DACH2: variants seen among roughly 807,000 people sequenced by gnomAD.
The protein encoded by DACH2 is dachshund homolog 2.
Under a neutral mutation model 35.8 loss-of-function variants are expected in DACH2, and 17 were observed. The observed-to-expected ratio is 0.48, with a 90% CI of 0.33 to 0.71. The LOEUF (loss-of-function observed/expected upper bound fraction) is 0.71, where lower values mean the gene tolerates loss of function less well. DACH2 is among the 30% of genes least tolerant of loss of function. The probability of loss-of-function intolerance (pLI) is 0.02; values close to 1 mark genes in which losing one functional copy is unlikely to be tolerated. For synonymous variants in DACH2, 195 were observed against 177.3 expected (o/e 1.10, Z -0.79); for missense variants, 469 against 472.7 (o/e 0.99, Z 0.07).
At chrX:86,322,257 G>A (rs5968890) in intron 1 of DACH2, among the ~76,000 whole-genome samples, 3 of 110,067 alleles carry the variant, frequency 2.7e-5, no homozygotes, top group Non-Finnish European at 5.7e-5. Context: ...AGAAGATGTC[G>A]CCTTGTGCAA....
chrX:86,409,404 G>C (rs1248408396), intron 2 of DACH2, among the ~76,000 whole-genome samples: 1 of 111,507 alleles, frequency 9.0e-6, no homozygotes, highest in African/African-American at 3.3e-5. Flanking sequence ...CAAAGTTAAA[G>C]GTGGGGCCTG....
intron 3 of DACH2, among the ~76,000 whole-genome samples, chrX:86,519,775 A>G (rs2038524548): frequency 9.3e-6 from 1 of 107,137 alleles, no homozygotes; most frequent in Non-Finnish European, 1.9e-5. Context: ...GTTTATTTGT[A>G]TCTCCTCTCT....
chrX:86,402,710 A>G (rs1212578174), intron 2 of DACH2, among the ~76,000 whole-genome samples: 1 of 111,960 alleles, frequency 8.9e-6, no homozygotes, highest in Non-Finnish European at 1.9e-5. Flanking sequence ...AAATAAAAAG[A>G]GCCCAAATAG....
intron 5 of DACH2, among the ~76,000 whole-genome samples, chrX:86,695,702 G>A (rs1371581650): frequency 2.7e-5 from 3 of 109,451 alleles, no homozygotes; most frequent in African/African-American, 1.0e-4. Context: ...TAATAAAGAC[G>A]GGGTTTCACC....
chrX:86,524,558 A>G (rs2038604368), intron 3 of DACH2, among the ~76,000 whole-genome samples: 1 of 112,322 alleles, frequency 8.9e-6, no homozygotes, highest in African/African-American at 3.2e-5. Context: ...CAGATTCTCT[A>G]CTAAAGAAAA....
At chrX:86,464,212 C>A (rs929169872) in intron 2 of DACH2, among the ~76,000 whole-genome samples, 1 of 111,552 alleles carries the variant, frequency 9.0e-6, no homozygotes, top group Non-Finnish European at 1.9e-5. Context: ...TATAAAGACA[C>A]ACACACACGT....
rs1328909014 is a variant in DACH2 at position 86,739,863 on chromosome X, T to A, written c.1221T>A (p.Asp407Glu). The change falls in exon 7 of 12, where the codon GAT becomes GAA. Residue 407 changes from aspartate (D) to glutamate (E), a missense_variant. This residue lies in a region of DACH2 where 363 missense variants were observed against 334.4 expected (regional missense o/e 1.09). Transcript: ENST00000373125. ...SSVSSSPSQM[D>E]HHLERMEEVP... ...TGTCCAGCTCTCCCTCTCAGATGGATCATCATTTGGAAAGAATGGGTGAGT... is the reference window on the plus strand; with the variant it reads ...TGTCCAGCTCTCCCTCTCAGATGGAACATCATTTGGAAAGAATGGGTGAGT... 4 of 1,199,170 alleles carry A rather than the reference T, an allele frequency of 3.3e-6. No individual in the cohort carries two copies. In the East Asian group the frequency reaches 1.2e-4, roughly 36 times the overall value.
At chrX:86,177,865 G>A (rs2031355101) in intron 1 of DACH2, among the ~76,000 whole-genome samples, 1 of 111,026 alleles carries the variant, frequency 9.0e-6, no homozygotes, top group Non-Finnish European at 1.9e-5. Context: ...ATTGAAAAGC[G>A]ATATATGTAT....
At position 86,741,610 on chromosome X, in the gene DACH2, G is replaced by A. The variant is rs2041656886; in HGVS notation, c.1240+1728G>A. 1.8e-5 allele frequency among the ~76,000 whole-genome samples: 2 copies of A among 111,631 alleles called. 1 individual carries two copies. Among genetic ancestry groups the A allele is most frequent in the South Asian group, 7.4e-4 (2 of 2,690 alleles). On this transcript the variant is annotated intron_variant, in intron 7 of 11. Coordinates refer to ENST00000373125, the MANE Select transcript of DACH2 (RefSeq NM_053281.3). ...TTTCTACGACATAGACTACCTGGTTGTTACTACATTGTGTACAACTGATTC... is the reference window on the plus strand; with the variant it reads ...TTTCTACGACATAGACTACCTGGTTATTACTACATTGTGTACAACTGATTC...
chrX:86,723,189 T>A (rs2041426937), intron 6 of DACH2, among the ~76,000 whole-genome samples: 1 of 111,878 alleles, frequency 8.9e-6, no homozygotes, highest in African/African-American at 3.2e-5. Context: ...TTATTTATGA[T>A]TTTTATTTGT....
At chrX:86,309,089 T>G (rs1310133221) in intron 1 of DACH2, among the ~76,000 whole-genome samples, 1 of 111,678 alleles carries the variant, frequency 9.0e-6, no homozygotes, top group East Asian at 2.8e-4. Flanking sequence ...AATTGTAAAT[T>G]AAAAACAATA....
intron 7 of DACH2, among the ~76,000 whole-genome samples, chrX:86,757,516 A>G (rs1415316623): frequency 8.9e-6 from 1 of 111,859 alleles, no homozygotes; most frequent in Non-Finnish European, 1.9e-5. Flanking sequence ...TTTTCTTACT[A>G]TGCTTTTTAT....
At chrX:86,597,337 G>T (rs1426853787) in intron 3 of DACH2, among the ~76,000 whole-genome samples, 1 of 111,444 alleles carries the variant, frequency 9.0e-6, no homozygotes, top group African/African-American at 3.3e-5. Context: ...CACTTCTTTA[G>T]CTGCATTCAA....
rs1274768811 is a variant in DACH2 at position 86,294,131 on chromosome X, T to C, written c.489-82693T>C. 2.7e-5 allele frequency among the ~76,000 whole-genome samples: 3 copies of C among 111,511 alleles called. No individual in the cohort carries two copies. The Admixed American group carries it at 2.9e-4, about 11-fold the overall frequency. The stretch of plus-strand genomic sequence containing the variant: ...GGAGGCTTTGCTCGTTTCTTTTTAT[T>C]CTTTTTTCTCTAAACTTCCCTTCTC... On this transcript the variant is annotated intron_variant, in intron 1 of 11. Transcript: ENST00000373125.
At chrX:86,416,094 A>C (rs1409502343) in intron 2 of DACH2, among the ~76,000 whole-genome samples, 1 of 112,389 alleles carries the variant, frequency 8.9e-6, no homozygotes, top group East Asian at 2.8e-4. Flanking sequence ...GAGAAAAATC[A>C]AGAAAATGTG....
intron 5 of DACH2, among the ~76,000 whole-genome samples, chrX:86,697,087 C>T (rs1346949465): frequency 9.0e-6 from 1 of 111,477 alleles, no homozygotes; most frequent in East Asian, 2.8e-4. Context: ...TCCTGTCTCA[C>T]CTAAGGACTT....
intron 5 of DACH2, among the ~76,000 whole-genome samples, chrX:86,711,079 G>C (rs2041272616): frequency 8.9e-6 from 1 of 112,287 alleles, no homozygotes; most frequent in Non-Finnish European, 1.9e-5. Context: ...AGATGCATTA[G>C]AAATTATTCT....
intron 1 of DACH2, among the ~76,000 whole-genome samples, chrX:86,203,315 A>G (rs962755645): frequency 9.9e-5 from 11 of 111,483 alleles, no homozygotes; most frequent in African/African-American, 3.6e-4. Context: ...ATAATTCTCA[A>G]AAAAGGCCTC....
chrX:86,744,710 C>G (rs1200588150), intron 7 of DACH2, among the ~76,000 whole-genome samples: 1 of 111,493 alleles, frequency 9.0e-6, no homozygotes, highest in East Asian at 2.8e-4. Context: ...TCCATTTTGA[C>G]TATGCCTAAT....
Sources: gnomAD v4.1 joint callset for allele counts (sites outside exome capture counted in the v4.1 genomes callset) on GRCh38, gnomAD v4.1.1 for gene constraint, gnomAD v4.1.1 regional missense constraint, MANE v1.5 for transcripts, NCBI Gene and HGNC (gene_info 2026-07-23, HGNC 2026-07-21) for gene names.